The following LTB variants were observed in gnomAD, a reference collection of about 807,000 sequenced individuals.
The protein encoded by LTB is lymphotoxin-beta.
In LTB, 17 loss-of-function variants were observed where a neutral mutation model predicts 14.7. The ratio of observed to expected loss-of-function variants is 1.16; its 90% CI spans 0.79 to 1.73. LTB has a LOEUF of 1.73. Ranked by LOEUF, LTB falls within the 40% of genes most tolerant of loss-of-function variation. The pLI, the probability that LTB is intolerant of heterozygous loss-of-function variation, is 0.00. For missense variants in LTB, 288 were observed against 324.3 expected (o/e 0.89, Z 0.86); for synonymous variants, 163 against 157.3 (o/e 1.04, Z -0.27).
chr6:31,581,813 C>T lies in LTB; in HGVS notation c.208+1G>A, dbSNP rs184485821. 2 of 1,610,844 alleles carry T rather than the reference C, an allele frequency of 1.2e-6. No homozygotes were observed. Among genetic ancestry groups the T allele is most frequent in the African/African-American group, 1.3e-5 (1 of 74,942 alleles). ...GGGAAGGAGAGACAGTCTGCTCTTACCCAGTCCTTGCTGGGCCTGTGCCCC... is the reference window on the plus strand; with the variant it reads ...GGGAAGGAGAGACAGTCTGCTCTTATCCAGTCCTTGCTGGGCCTGTGCCCC... On this transcript the variant is annotated splice_donor_variant, in intron 2 of 3. Transcript: ENST00000429299. LOFTEE classifies it high-confidence loss of function.
At chr6:31,581,970 C>T (rs1583058818) in intron 1 of LTB, 111 bp from the exon 2 acceptor site, 4 of 1,066,962 alleles carry the variant, frequency 3.7e-6, no homozygotes, top group Admixed American at 4.7e-5. Context: ...CCAGCACCAT[C>T]CCCAACACAC....
rs1173985528 is a variant in LTB, at chr6:31,581,800, C to G, written c.208+14G>C. The G allele has an allele frequency of 6.2e-7, 1 of 1,612,258 alleles. No individual in the cohort carries two copies. The highest frequency in any genetic ancestry group is 8.5e-7 in the Non-Finnish European group (1 of 1,179,654). The stretch of plus-strand genomic sequence containing the variant: ...AGGGTCTGAAGCGGGGAAGGAGAGA[C>G]AGTCTGCTCTTACCCAGTCCTTGCT... On this transcript the variant is annotated intron_variant, in intron 2 of 3. Transcript: ENST00000429299.
In LTB at chr6:31,580,980, C is replaced by T. The variant is rs1020552221; in HGVS notation, c.464G>A (p.Arg155His). 4.5e-6 allele frequency: 7 copies of T among 1,563,732 alleles called. No homozygotes were observed. Among genetic ancestry groups the T allele is most frequent in the Non-Finnish European group, 6.1e-6 (7 of 1,154,690 alleles). ...APPGGGDPQG[R>H]SVTLRSSLYR... Reference sequence around the variant, plus strand: ...CAGAGAGCTGCGCAGCGTGACCGAGCGGCCCTGGGGGTCCCCGCCGCCAGG... The same window carrying T: ...CAGAGAGCTGCGCAGCGTGACCGAGTGGCCCTGGGGGTCCCCGCCGCCAGG... Residue 155 changes from arginine to histidine, a missense_variant, in exon 4 of 4, where the codon CGC (arginine) becomes CAC (histidine). Arg to His is a conservative substitution (Grantham distance 29). Around this residue, in one of 2 missense-constraint regions of LTB, gnomAD observed 284 missense variants for 299.2 expected, o/e 0.95. Transcript: ENST00000429299. The surrounding 1 kb of genome is among the most constrained non-coding windows in gnomAD (Gnocchi z 6.6).
At chr6:31,581,772 C>T (rs1465775637) in intron 2 of LTB, 42 bp downstream of exon 2, 2 of 1,612,270 alleles carry the variant, frequency 1.2e-6, no homozygotes, top group East Asian at 2.2e-5. Context: ...CTGGGAGCCC[C>T]TGAGGGTCTG....
Position 31,581,042 on chromosome 6 carries a change from G to A in LTB, c.402C>T (p.Tyr134=), listed in dbSNP as rs749364985. The change falls in exon 4 of 4, where the codon TAC becomes TAT. Residue 134 remains tyrosine (Y), a synonymous_variant. Coordinates refer to ENST00000429299, the MANE Select transcript of LTB (RefSeq NM_002341.2). ...CCCGGTAGCCGACGAGACAGTAGAG[G>A]TAATAGAGGCCGTCCTGCGGGAGCG... ...GLALPQDGLY[Y]LYCLVGYRGR... 1.2e-6 allele frequency: 2 copies of A among 1,604,876 alleles called. No individual in the cohort carries two copies. The highest frequency in any genetic ancestry group is 2.2e-5 in the South Asian group (2 of 90,126).
At chr6:31,581,375 C>G (rs2150394024) in intron 3 of LTB, among the ~76,000 whole-genome samples, 184 bp downstream of exon 3, 1 of 152,230 alleles carries the variant, frequency 6.6e-6, no homozygotes, top group East Asian at 1.9e-4. Flanking sequence ...CCGGCTTTTG[C>G]TTGCACCGGA....
rs758126945 is a variant in LTB, at chr6:31,581,807, C to G, written c.208+7G>C. ...GAAGCGGGGAAGGAGAGACAGTCTG[C>G]TCTTACCCAGTCCTTGCTGGGCCTG... On this transcript the variant is annotated splice_region_variant and intron_variant, in intron 2 of 3. Coordinates refer to ENST00000429299, the MANE Select transcript of LTB (RefSeq NM_002341.2). 3 of 1,611,544 alleles carry G rather than the reference C, an allele frequency of 1.9e-6. No individual in the cohort carries two copies. Among genetic ancestry groups the G allele is most frequent in the African/African-American group, 1.3e-5 (1 of 74,966 alleles).
Position 31,580,679 on chromosome 6 carries a change from C to G in LTB, c.*30G>C. ...CCTGGGCGTCCGGGCCCCCAATATT[C>G]ACGCACTCGCACCACGCACTCATAT... On this transcript the variant is annotated 3_prime_UTR_variant, in exon 4 of 4. Transcript: ENST00000429299. This position sits in a 1 kb window ranked among gnomAD's most constrained non-coding sequence, Gnocchi z 6.6. The G allele has an allele frequency of 6.4e-7, 1 of 1,567,266 alleles. No individual in the cohort carries two copies. Among genetic ancestry groups the G allele is most frequent in the Non-Finnish European group, 8.7e-7 (1 of 1,150,058 alleles).
chr6:31,581,964 C>T (rs1771565818), intron 1 of LTB, 105 bp from the exon 2 acceptor site: 4 of 1,158,684 alleles, frequency 3.5e-6, no homozygotes, highest in African/African-American at 3.1e-5. Flanking sequence ...CTCCTACCAG[C>T]ACCATCCCCA....
intron 1 of LTB, 26 bp from the exon 2 acceptor site, chr6:31,581,885 A>T (rs543725873): frequency 6.4e-7 from 1 of 1,563,608 alleles, no homozygotes; most frequent in East Asian, 2.2e-5. Flanking sequence ...CACAGTGCCC[A>T]GAGTTCAGAT....
At chr6:31,581,311 G>C in intron 3 of LTB, 148 bp from the exon 4 acceptor site, 1 of 793,474 alleles carries the variant, frequency 1.3e-6, no homozygotes, top group Non-Finnish European at 2.0e-6. Flanking sequence ...TGCGAGTTGG[G>C]GGCCGAGGGA....
At chr6:31,582,233 C>T (rs891248449) in intron 1 of LTB, 23 bp downstream of exon 1, 57 of 1,611,596 alleles carry the variant, frequency 3.5e-5, no homozygotes, top group Middle Eastern at 1.7e-4. Context: ...AACTCTCCAC[C>T]AGGGCCTGTT....
chr6:31,581,264 G>A lies in LTB; in HGVS notation c.281-101C>T, dbSNP rs775196640. On this transcript the variant is annotated intron_variant, in intron 3 of 3. Coordinates refer to ENST00000429299, the MANE Select transcript of LTB (RefSeq NM_002341.2). Reference sequence around the variant, plus strand: ...TTAGCCCCTGCGGGAGCCGAGCCGGGCCGGGGGAGGAGGGATGGTGCTGTT... The same window carrying A: ...TTAGCCCCTGCGGGAGCCGAGCCGGACCGGGGGAGGAGGGATGGTGCTGTT... The A allele has an allele frequency of 6.3e-6, 7 of 1,118,386 alleles. No individual in the cohort carries two copies. The African/African-American group carries it at 9.3e-5, about 15-fold the overall frequency. The allele number at this position is 1,118,386 out of a possible 1,614,324, so 69.3% of individuals were successfully genotyped here.
Position 31,581,030 on chromosome 6 carries a change from G to T in LTB, c.414C>A (p.Leu138=). ...GGGGCGCCCGGCCCCGGTAGCCGAC[G>T]AGACAGTAGAGGTAATAGAGGCCGT... The part of the protein sequence containing the change: ...PQDGLYYLYC[L]VGYRGRAPPG... The change falls in exon 4 of 4, where the codon CTC becomes CTA. Residue 138 remains leucine (L), a synonymous_variant. Coordinates refer to ENST00000429299, the MANE Select transcript of LTB (RefSeq NM_002341.2). 1 of 1,593,914 alleles carries T rather than the reference G, an allele frequency of 6.3e-7. No homozygotes were observed. The highest frequency in any genetic ancestry group is 8.5e-7 in the Non-Finnish European group (1 of 1,170,512).
At chr6:31,581,446 G>T (rs1343958318) in intron 3 of LTB, 113 bp downstream of exon 3, 2 of 1,028,586 alleles carry the variant, frequency 1.9e-6, no homozygotes, top group Non-Finnish European at 3.0e-6. Flanking sequence ...ACAAAAGGTC[G>T]TGAAGCGGGT....
chr6:31,581,976 C>T (rs4647181), intron 1 of LTB, 117 bp from the exon 2 acceptor site: 8 of 1,027,938 alleles, frequency 7.8e-6, no homozygotes, highest in African/African-American at 4.8e-5. Context: ...CCATCCCCAA[C>T]ACACACCTCC....
chr6:31,580,914 AG>A lies in LTB; in HGVS notation c.529del (p.Leu177CysfsTer9). 1 of 1,590,932 alleles carries A rather than the reference AG, an allele frequency of 6.3e-7. No individual in the cohort carries two copies. Among genetic ancestry groups the A allele is most frequent in the Non-Finnish European group, 8.5e-7 (1 of 1,169,806 alleles). The part of the protein sequence containing the change: ...GGAYGPGTPE[L>X]LLEGAETVTP... ...CACCGTCTCGGCGCCCTCGAGCAGC[AG>A]CTCGGGAGTGCCCGGCCCGTAGGCG... On this transcript the variant is annotated frameshift_variant, in exon 4 of 4. Coordinates refer to ENST00000429299, the MANE Select transcript of LTB (RefSeq NM_002341.2). LOFTEE classifies it high-confidence loss of function. This position sits in a 1 kb window ranked among gnomAD's most constrained non-coding sequence, Gnocchi z 6.6.
At position 31,580,990 on chromosome 6, in the gene LTB, G is replaced by T; in HGVS notation, c.454C>A (p.Pro152Thr). 1.3e-6 allele frequency: 2 copies of T among 1,564,402 alleles called. No individual in the cohort carries two copies. Among genetic ancestry groups the T allele is most frequent in the Non-Finnish European group, 1.7e-6 (2 of 1,154,918 alleles). The change falls in exon 4 of 4, where the codon CCC becomes ACC. Residue 152 changes from proline to threonine, a missense_variant. Transcript: ENST00000429299. This position sits in a 1 kb window ranked among gnomAD's most constrained non-coding sequence, Gnocchi z 6.6. The part of the protein sequence containing the change: ...RGRAPPGGGD[P>T]QGRSVTLRSS... Reference sequence around the variant, plus strand: ...CGCAGCGTGACCGAGCGGCCCTGGGGGTCCCCGCCGCCAGGGGGCGCCCGG... The same window carrying T: ...CGCAGCGTGACCGAGCGGCCCTGGGTGTCCCCGCCGCCAGGGGGCGCCCGG...
In LTB at chr6:31,581,611, C is replaced by T. The variant is rs544081396; in HGVS notation, c.228G>A (p.Glu76=). The T allele has an allele frequency of 4.3e-6, 7 of 1,612,940 alleles. No homozygotes were observed. The highest frequency in any genetic ancestry group is 2.2e-5 in the South Asian group (2 of 91,076). ...GGCTGAGATCTGTTTCTGGCTCCTCCTCTGGCAGCTTCTGAAACCCTGGAA... is the reference window on the plus strand; with the variant it reads ...GGCTGAGATCTGTTTCTGGCTCCTCTTCTGGCAGCTTCTGAAACCCTGGAA... ...QQGLGFQKLP[E]EEPETDLSPG... Residue 76 remains glutamate (E), a synonymous_variant, in exon 3 of 4, where the codon GAG becomes GAA. Coordinates refer to ENST00000429299, the MANE Select transcript of LTB (RefSeq NM_002341.2).
Sources: allele counts gnomAD v4.1 joint callset (sites outside exome capture counted in the v4.1 genomes callset), GRCh38; gene constraint gnomAD v4.1.1; regional missense constraint gnomAD v4.1.1; non-coding constraint Gnocchi (gnomAD v3.1); transcripts MANE v1.5; gene names NCBI Gene and HGNC (gene_info 2026-07-23, HGNC 2026-07-21).